The following LRRC8D variants were observed in gnomAD, a reference collection of about 807,000 sequenced individuals.
LRRC8D encodes volume-regulated anion channel subunit LRRC8D.
In LRRC8D, 20 loss-of-function variants were observed where a neutral mutation model predicts 55.8. That is an observed-to-expected ratio of 0.36 (90% confidence interval 0.25 to 0.52). The LOEUF (loss-of-function observed/expected upper bound fraction) is 0.52. Among genes scored for constraint, LRRC8D ranks in the 20% least tolerant of loss-of-function variants. LRRC8D has a pLI of 0.93. For missense variants in LRRC8D, 651 were observed against 1,030.8 expected (o/e 0.63, Z 5.05); for synonymous variants, 352 against 377.0 (o/e 0.93, Z 0.77).
chr1:89,916,301 G>T (rs975563558), intron 2 of LRRC8D, among the ~76,000 whole-genome samples: 3 of 152,172 alleles, frequency 2.0e-5, no homozygotes, highest in African/African-American at 7.2e-5. Context: ...CATAAGAGCT[G>T]CACAAATAGA....
intron 2 of LRRC8D, among the ~76,000 whole-genome samples, chr1:89,885,846 G>A (rs1277681285): frequency 6.6e-6 from 1 of 152,204 alleles, no homozygotes; most frequent in Non-Finnish European, 1.5e-5. Flanking sequence ...TGTGGAGGCA[G>A]AATGGGCAAG....
At chr1:89,928,630 T>C (rs935879900) in intron 2 of LRRC8D, among the ~76,000 whole-genome samples, 25 of 152,274 alleles carry the variant, frequency 1.6e-4, no homozygotes, top group African/African-American at 5.5e-4. Flanking sequence ...GGGCCGGAGC[T>C]GGTGACTGTG....
At chr1:89,903,574 A>G (rs1353404192) in intron 2 of LRRC8D, among the ~76,000 whole-genome samples, 1 of 152,158 alleles carries the variant, frequency 6.6e-6, no homozygotes, top group Admixed American at 6.5e-5. Flanking sequence ...GTGGTATTAG[A>G]TATTTTATCT....
intron 1 of LRRC8D, among the ~76,000 whole-genome samples, chr1:89,842,743 C>T (rs1465373070): frequency 6.6e-6 from 1 of 152,172 alleles, no homozygotes; most frequent in Non-Finnish European, 1.5e-5. Context: ...CTCTTTTTAA[C>T]ACTGTACTGA....
At chr1:89,918,886 G>T (rs1207141957) in intron 2 of LRRC8D, among the ~76,000 whole-genome samples, 1 of 152,156 alleles carries the variant, frequency 6.6e-6, no homozygotes, top group Admixed American at 6.5e-5. Context: ...GTTCAGGTTG[G>T]GTGCCTTCTG....
Position 89,932,656 on chromosome 1 carries a change from C to T in LRRC8D, c.-2-411C>T, listed in dbSNP as rs149810049. Among the ~76,000 whole-genome samples the T allele has an allele frequency of 1.3e-3, 199 of 152,250 alleles. 1 individual carries two copies. Among genetic ancestry groups the T allele is most frequent in the African/African-American group, 4.2e-3 (174 of 41,564 alleles). Reference sequence around the variant, plus strand: ...GAACATAAGACTATCCAAAGTTTAACGGTATTTAATGGTATACACAGACCT... The same window carrying T: ...GAACATAAGACTATCCAAAGTTTAATGGTATTTAATGGTATACACAGACCT... On this transcript the variant is annotated intron_variant, in intron 2 of 2. Transcript: ENST00000337338.
At position 89,821,086 on chromosome 1, in the gene LRRC8D, TGC is replaced by T; in HGVS notation, c.-352_-351del. ...CTGCTCCCGTCGCCGCTGCTGCCGC[TGC>T]CGCTGCCGCCGCCCGTGGTGCCCCG... On this transcript the variant is annotated 5_prime_UTR_variant, in exon 1 of 3. It removes the in-frame stop codon of an upstream open reading frame in the 5' UTR. Transcript: ENST00000337338. 6.5e-6 allele frequency: 1 copy of T among 153,572 alleles called. No homozygotes were observed. Among genetic ancestry groups the T allele is most frequent in the Non-Finnish European group, 1.5e-5 (1 of 68,654 alleles). The allele number at this position is 153,572 out of a possible 1,614,324, so 9.5% of individuals were successfully genotyped here. A position where few individuals can be genotyped will look rare whatever the true frequency, so the allele number is the denominator to read the frequency against.
intron 2 of LRRC8D, among the ~76,000 whole-genome samples, chr1:89,903,870 A>G (rs1662924200): frequency 6.6e-6 from 1 of 152,192 alleles, no homozygotes; most frequent in Admixed American, 6.5e-5. Context: ...TTTCTCCCAA[A>G]ACATAAATGT....
chr1:89,914,553 C>T (rs2816845), intron 2 of LRRC8D, among the ~76,000 whole-genome samples: 41,987 of 152,054 alleles, frequency 0.28, 6,353 homozygotes, highest in African/African-American at 0.4. Context: ...TCTATACTTA[C>T]GTTTATATGT....
At chr1:89,882,327 CATTT>C (rs1438250710) in intron 2 of LRRC8D, among the ~76,000 whole-genome samples, 2 of 152,234 alleles carry the variant, frequency 1.3e-5, no homozygotes, top group Non-Finnish European at 2.9e-5. Flanking sequence ...TCCTACCATT[CATTT>C]GTTTCATTAG....
At chr1:89,895,645 T>G (rs1644077226) in intron 2 of LRRC8D, among the ~76,000 whole-genome samples, 5 of 152,224 alleles carry the variant, frequency 3.3e-5, no homozygotes. Flanking sequence ...TATATAATAT[T>G]TCATTTTAGG....
At chr1:89,850,255 C>G (rs1190999323) in intron 2 of LRRC8D, among the ~76,000 whole-genome samples, 2 of 152,070 alleles carry the variant, frequency 1.3e-5, no homozygotes, top group African/African-American at 4.8e-5. Context: ...GTTCTTGGGC[C>G]TTTGATACAC....
intron 2 of LRRC8D, among the ~76,000 whole-genome samples, chr1:89,849,970 T>C (rs1323617530): frequency 6.6e-6 from 1 of 152,212 alleles, no homozygotes; most frequent in African/African-American, 2.4e-5. Context: ...TATTCTGGGC[T>C]CACAATGTTG....
At chr1:89,831,281 A>G (rs920952680) in intron 1 of LRRC8D, among the ~76,000 whole-genome samples, 1 of 152,206 alleles carries the variant, frequency 6.6e-6, no homozygotes, top group African/African-American at 2.4e-5. Context: ...TCCCAACCCC[A>G]GACACAAAGC....
chr1:89,930,287 T>G lies in LRRC8D; in HGVS notation c.-2-2780T>G, dbSNP rs370241466. On this transcript the variant is annotated intron_variant, in intron 2 of 2. Transcript: ENST00000337338. ...TTGGCTCACTGCAACCTCCTCCTCC[T>G]GGGTTCAAGCAATTTTTCTGCCTCA... Among the ~76,000 whole-genome samples the G allele has an allele frequency of 9.8e-5, 15 of 152,292 alleles. 1 individual carries two copies. The highest frequency in any genetic ancestry group is 4.6e-4 in the Admixed American group (7 of 15,304).
At chr1:89,915,047 G>T (rs888871014) in intron 2 of LRRC8D, among the ~76,000 whole-genome samples, 9 of 140,180 alleles carry the variant, frequency 6.4e-5, no homozygotes, top group East Asian at 2.0e-4. Flanking sequence ...TGTGTGTGTG[G>T]TGTGTGTGTA....
intron 2 of LRRC8D, among the ~76,000 whole-genome samples, chr1:89,869,783 A>G (rs564285505): frequency 6.6e-6 from 1 of 152,332 alleles, no homozygotes; most frequent in Admixed American, 6.5e-5. Context: ...ACAAGCCAGA[A>G]GAGAGTGGGG....
At position 89,833,330 on chromosome 1, in the gene LRRC8D, C is replaced by T. The variant is rs569392993; in HGVS notation, c.-147-10308C>T. 8.6e-4 allele frequency among the ~76,000 whole-genome samples: 131 copies of T among 152,320 alleles called. 1 individual carries two copies. Among genetic ancestry groups the T allele is most frequent in the African/African-American group, 3.0e-3 (125 of 41,564 alleles). ...ATCTTCCTGGAACACCGTACTAAAA[C>T]GCTGGACTGATCATTACAAAGGCTG... On this transcript the variant is annotated intron_variant, in intron 1 of 2. Transcript: ENST00000337338.
intron 1 of LRRC8D, among the ~76,000 whole-genome samples, chr1:89,833,364 G>A (rs1486728792): frequency 1.3e-5 from 2 of 152,196 alleles, no homozygotes; most frequent in Non-Finnish European, 2.9e-5. Flanking sequence ...TGTAGTTGGA[G>A]CCTTGTTGCT....
Sources: gnomAD v4.1 joint callset for allele counts (sites outside exome capture counted in the v4.1 genomes callset) on GRCh38, gnomAD v4.1.1 for gene constraint, MANE v1.5 for transcripts, NCBI Gene and HGNC (gene_info 2026-07-23, HGNC 2026-07-21) for gene names.